Variants in TACC3 observed in about 807,000 individuals in gnomAD.
The protein encoded by TACC3 is transforming acidic coiled-coil containing protein 3.
Under a neutral mutation model 86.0 loss-of-function variants are expected in TACC3, and 52 were observed. The observed-to-expected ratio is 0.60, with a 90% CI of 0.48 to 0.76. TACC3 has a LOEUF of 0.76. TACC3 is among the 30% of genes least tolerant of loss of function. The probability of loss-of-function intolerance (pLI) is 0.00; values close to 1 mark genes in which losing one functional copy is unlikely to be tolerated. For synonymous variants in TACC3, 512 were observed against 430.0 expected (o/e 1.19, Z -2.36); for missense variants, 1,120 against 1,070.4 (o/e 1.05, Z -0.65).
Position 1,744,635 on chromosome 4 carries a change from G to A in TACC3, c.2330+11G>A, listed in dbSNP as rs774908081. ...GGAGAAGCTGCAGCTGTGAGTGCTGGGCGAGGCCCCACCCTGGAGGGAGAA... is the reference window on the plus strand; with the variant it reads ...GGAGAAGCTGCAGCTGTGAGTGCTGAGCGAGGCCCCACCCTGGAGGGAGAA... On this transcript the variant is annotated intron_variant, in intron 14 of 15. Transcript: ENST00000313288. The A allele has an allele frequency of 4.3e-6, 7 of 1,612,646 alleles. No individual in the cohort carries two copies. The highest frequency in any genetic ancestry group is 1.1e-5 in the South Asian group (1 of 91,084).
intron 13 of TACC3, chr4:1,741,810 G>T (rs1577226324): frequency 2.0e-5 from 3 of 152,250 alleles, no homozygotes; most frequent in Admixed American, 2.0e-4. Context: ...CTGCCTAACA[G>T]AAGCAAGCCT....
chr4:1,722,717 G>A (rs965750783), intron 1 of TACC3, among the ~76,000 whole-genome samples: 7 of 152,200 alleles, frequency 4.6e-5, no homozygotes, highest in Admixed American at 4.6e-4. Flanking sequence ...TCCCTAGACT[G>A]GGAACGCTGT....
chr4:1,737,824 G>T (rs1362096306), intron 10 of TACC3, 122 bp downstream of exon 10: 1 of 975,558 alleles, frequency 1.0e-6, no homozygotes, highest in Non-Finnish European at 1.6e-6. Flanking sequence ...CTGCTGGTTG[G>T]GGTGGAATTG....
At chr4:1,730,864 C>A (rs749819256) in intron 4 of TACC3, 23 bp from the exon 5 acceptor site, 2 of 1,611,498 alleles carry the variant, frequency 1.2e-6, no homozygotes, top group Non-Finnish European at 1.7e-6. Context: ...GGGCATGGGC[C>A]TCTGCTGACT....
intron 5 of TACC3, 52 bp from the exon 6 acceptor site, chr4:1,731,120 A>G: frequency 1.2e-6 from 2 of 1,604,556 alleles, no homozygotes; most frequent in Non-Finnish European, 8.5e-7. Context: ...GCAAAGCCAC[A>G]CCCCAAGTAC....
upstream of TACC3, chr4:1,720,703 G>A (rs1387803725): frequency 1.3e-6 from 2 of 1,555,894 alleles, no homozygotes; most frequent in African/African-American, 2.7e-5. The surrounding 1 kb of genome is among the most constrained non-coding windows in gnomAD (Gnocchi z 4.4). Flanking sequence ...CGAAGGCGGC[G>A]TCCTCGCTGC....
intron 6 of TACC3, among the ~76,000 whole-genome samples, chr4:1,731,510 A>G (rs975831778): frequency 2.0e-5 from 3 of 152,222 alleles, no homozygotes; most frequent in Non-Finnish European, 4.4e-5. Context: ...AACATAAAAG[A>G]CTTCTAGAAA....
chr4:1,727,632 T>C, intron 3 of TACC3, 76 bp from the exon 4 acceptor site: 4 of 1,519,728 alleles, frequency 2.6e-6, no homozygotes, highest in Non-Finnish European at 2.6e-6. Context: ...GTTAAACCTA[T>C]GTTGAGAATG....
Position 1,737,255 on chromosome 4 carries a change from A to AT in TACC3, c.1764dup (p.Glu589Ter). On this transcript the variant is annotated frameshift_variant, in exon 9 of 16. Transcript: ENST00000313288. LOFTEE classifies it high-confidence loss of function. The stretch of plus-strand genomic sequence containing the variant: ...CTTGGTGGCAGCATGCACGGTGCAA[A>AT]TGAGACTCCCTCAGGACGTCCGCGG... 1 of 1,614,088 alleles carries AT rather than the reference A, an allele frequency of 6.2e-7. No homozygotes were observed. Among genetic ancestry groups the AT allele is most frequent in the Non-Finnish European group, 8.5e-7 (1 of 1,180,028 alleles).
At chr4:1,737,816 G>A (rs1004823133) in intron 10 of TACC3, 114 bp downstream of exon 10, 1 of 1,018,430 alleles carries the variant, frequency 9.8e-7, no homozygotes, top group Non-Finnish European at 1.5e-6. Flanking sequence ...CCCTGCCCCT[G>A]CTGGTTGGGG....
At chr4:1,722,201 G>A (rs888792120) in intron 1 of TACC3, among the ~76,000 whole-genome samples, 2 of 152,110 alleles carry the variant, frequency 1.3e-5, no homozygotes, top group Non-Finnish European at 2.9e-5. Flanking sequence ...CCCCTCCCGG[G>A]CCTCCATAGT....
intron 13 of TACC3, 155 bp downstream of exon 13, chr4:1,741,141 G>A (rs2108718719): frequency 1.4e-6 from 1 of 703,002 alleles, no homozygotes; most frequent in Middle Eastern, 4.2e-4. Flanking sequence ...GAGACAGGGT[G>A]CAGGAGTCAC....
At chr4:1,734,222 C>T (rs553445283) in intron 6 of TACC3, among the ~76,000 whole-genome samples, 1 of 152,248 alleles carries the variant, frequency 6.6e-6, no homozygotes, top group Admixed American at 6.5e-5. Flanking sequence ...GAGTCTTGCT[C>T]TGTCGCCCAG....
intron 13 of TACC3, among the ~76,000 whole-genome samples, chr4:1,743,337 G>A (rs532988129): frequency 3.3e-5 from 5 of 150,578 alleles, no homozygotes; most frequent in African/African-American, 4.9e-5. Flanking sequence ...GGTGGATCAC[G>A]AGATCAGGAG....
intron 13 of TACC3, among the ~76,000 whole-genome samples, chr4:1,743,728 A>T (rs1022932480): frequency 1.3e-5 from 2 of 152,020 alleles, no homozygotes; most frequent in African/African-American, 4.8e-5. Flanking sequence ...CTGTGGCGGG[A>T]GGCTTGACCT....
intron 3 of TACC3, 141 bp from the exon 4 acceptor site, chr4:1,727,567 T>G (rs1577208816): frequency 2.2e-6 from 3 of 1,335,180 alleles, no homozygotes; most frequent in Admixed American, 2.4e-5. Flanking sequence ...AGGTGGGGGG[T>G]GGAGAACGGG....
intron 6 of TACC3, 129 bp downstream of exon 6, chr4:1,731,430 A>G (rs1382126624): frequency 9.4e-7 from 1 of 1,062,056 alleles, no homozygotes; most frequent in East Asian, 2.5e-5. Flanking sequence ...CTTGACTTTG[A>G]ATGACTCATG....
chr4:1,725,601 T>C (rs551184487), intron 3 of TACC3, among the ~76,000 whole-genome samples: 1 of 152,228 alleles, frequency 6.6e-6, no homozygotes, highest in East Asian at 1.9e-4. Context: ...CCCCTGCCTC[T>C]CCCCTATGCC....
At position 1,744,960 on chromosome 4, in the gene TACC3, G is replaced by A. The variant is rs774454990; in HGVS notation, c.2464G>A (p.Glu822Lys). 58 of 1,611,868 alleles carry A rather than the reference G, an allele frequency of 3.6e-5. No individual in the cohort carries two copies. The highest frequency in any genetic ancestry group is 4.4e-5 in the South Asian group (4 of 90,788). Residue 822 changes from glutamate to lysine, a missense_variant, in exon 16 of 16, where the codon GAG becomes AAG. Physicochemically the swap from Glu to Lys is moderately conservative, Grantham distance 56. Coordinates refer to ENST00000313288, the MANE Select transcript of TACC3 (RefSeq NM_006342.3). ...KTVEQKTKEN[E>K]ELTRICDDLI... Reference sequence around the variant, plus strand: ...CTTCCTCCTCCAGACTAAAGAGAACGAGGAGCTGACCAGGATCTGCGACGA... The same window carrying A: ...CTTCCTCCTCCAGACTAAAGAGAACAAGGAGCTGACCAGGATCTGCGACGA...
Sources: allele counts gnomAD v4.1 joint callset (sites outside exome capture counted in the v4.1 genomes callset), GRCh38; gene constraint gnomAD v4.1.1; non-coding constraint Gnocchi (gnomAD v3.1); transcripts MANE v1.5; gene names NCBI Gene and HGNC (gene_info 2026-07-23, HGNC 2026-07-21).